The following SLC37A2 variants were observed in gnomAD, a reference collection of about 807,000 sequenced individuals.
The protein encoded by SLC37A2 is glucose-6-phosphate exchanger SLC37A2.
Under a neutral mutation model 70.7 loss-of-function variants are expected in SLC37A2, and 59 were observed. The ratio of observed to expected loss-of-function variants is 0.83; its 90% CI spans 0.68 to 1.04. SLC37A2 has a LOEUF of 1.04. Among genes scored for constraint, SLC37A2 ranks in the 50% least tolerant of loss-of-function variants. SLC37A2 has a pLI of 0.00. For synonymous variants in SLC37A2, 257 were observed against 262.1 expected, an observed-to-expected ratio of 0.98 and a Z score of 0.19; for missense variants, 580 against 658.1, an observed-to-expected ratio of 0.88 and a Z score of 1.30.
chr11:125,079,303 G>A (rs762140093), intron 5 of SLC37A2, 56 bp downstream of exon 5: 2 of 1,609,812 alleles, frequency 1.2e-6, no homozygotes, highest in African/African-American at 2.7e-5. Context: ...AAGGACCTGG[G>A]AGACCGCAGC....
At position 125,083,952 on chromosome 11, in the gene SLC37A2, T is replaced by G; in HGVS notation, c.1039+75T>G. ...GTGGGGTGCAGGAAGAAGGGACAGG[T>G]CCGATGGGCTATGACCTGGGTAGGT... On this transcript the variant is annotated intron_variant, in intron 11 of 17. Transcript: ENST00000403796. The surrounding 1 kb of genome is among the most constrained non-coding windows in gnomAD (Gnocchi z 4.6). The G allele has an allele frequency of 7.0e-7, 1 of 1,432,408 alleles. No individual in the cohort carries two copies. Among genetic ancestry groups the G allele is most frequent in the Non-Finnish European group, 9.8e-7 (1 of 1,018,138 alleles). The allele number at this position is 1,432,408 out of a possible 1,614,324, so 88.7% of individuals were successfully genotyped here. A position where few individuals can be genotyped will look rare whatever the true frequency, so the allele number is the denominator to read the frequency against.
chr11:125,079,943 A>G (rs953835501), intron 6 of SLC37A2, among the ~76,000 whole-genome samples, 183 bp downstream of exon 6: 1 of 152,240 alleles, frequency 6.6e-6, no homozygotes, highest in Non-Finnish European at 1.5e-5. Flanking sequence ...GCTTTAACCC[A>G]TAGAGCAGGC....
At position 125,078,858 on chromosome 11, in the gene SLC37A2, C is replaced by T. The variant is rs185755469; in HGVS notation, c.315-254C>T. ...CAATGGTGAAAGTGTTGCAAAAGAC[C>T]GCACCGAGAGGAAAACGCACGACAC... On this transcript the variant is annotated intron_variant, in intron 4 of 17. Coordinates refer to ENST00000403796, the MANE Select transcript of SLC37A2 (RefSeq NM_001145290.2). 7.9e-5 allele frequency among the ~76,000 whole-genome samples: 12 copies of T among 151,846 alleles called. No homozygotes were observed. The East Asian group carries it at 1.9e-3, about 25-fold the overall frequency.
At chr11:125,086,620 CA>C (rs1339583471) in intron 17 of SLC37A2, 1 of 321,980 alleles carries the variant, frequency 3.1e-6, no homozygotes, top group Non-Finnish European at 6.0e-6. Context: ...GTATGCAGAA[CA>C]AAAGCAACTA....
intron 9 of SLC37A2, 114 bp from the exon 10 acceptor site, chr11:125,082,130 C>T (rs112934278): frequency 0.018 from 19,806 of 1,110,378 alleles, 237 homozygotes; most frequent in Middle Eastern, 0.057. Flanking sequence ...TTGGAGGCTG[C>T]CTTGTGTGGC....
intron 12 of SLC37A2, among the ~76,000 whole-genome samples, 185 bp from the exon 13 acceptor site, chr11:125,084,640 G>C (rs866197489): frequency 4.6e-5 from 7 of 152,240 alleles, no homozygotes; most frequent in Admixed American, 3.3e-4. Context: ...GGAGATGATA[G>C]AGTACCACGT....
intron 1 of SLC37A2, among the ~76,000 whole-genome samples, chr11:125,069,346 G>A (rs566812160): frequency 3.5e-4 from 54 of 152,336 alleles, no homozygotes; most frequent in African/African-American, 1.1e-3. Context: ...CCTAATGATA[G>A]TGTTGGGTGG....
rs1209954099 is a variant in SLC37A2 at position 125,083,937 on chromosome 11, G to A, written c.1039+60G>A. On this transcript the variant is annotated intron_variant, in intron 11 of 17. Coordinates refer to ENST00000403796, the MANE Select transcript of SLC37A2 (RefSeq NM_001145290.2). The surrounding 1 kb of genome is among the most constrained non-coding windows in gnomAD (Gnocchi z 4.6). The stretch of plus-strand genomic sequence containing the variant: ...TTCCCCTCTTTTCTTGTGGGGTGCA[G>A]GAAGAAGGGACAGGTCCGATGGGCT... 4 of 1,541,716 alleles carry A rather than the reference G, an allele frequency of 2.6e-6. No individual in the cohort carries two copies. The highest frequency in any genetic ancestry group is 4.5e-5 in the East Asian group (2 of 44,542).
intron 12 of SLC37A2, 144 bp from the exon 13 acceptor site, chr11:125,084,681 G>C (rs923087788): frequency 2.4e-6 from 2 of 841,956 alleles, no homozygotes; most frequent in African/African-American, 3.4e-5. Flanking sequence ...GACATTTAAA[G>C]ACCAGAGAAA....
At chr11:125,072,034 G>T (rs1329565920) in intron 1 of SLC37A2, among the ~76,000 whole-genome samples, 11 of 151,938 alleles carry the variant, frequency 7.2e-5, no homozygotes, top group Non-Finnish European at 1.6e-4. Context: ...TGGGACTGGG[G>T]AGTGACTAGG....
At chr11:125,076,646 G>A in intron 1 of SLC37A2, 111 bp from the exon 2 acceptor site, 1 of 954,396 alleles carries the variant, frequency 1.0e-6, no homozygotes, top group African/African-American at 1.6e-5. Flanking sequence ...GAAAGAGTTG[G>A]TGGTCCTCAG....
chr11:125,073,489 C>T lies in SLC37A2; in HGVS notation c.60-3268C>T, dbSNP rs533683774. Among the ~76,000 whole-genome samples the T allele has an allele frequency of 5.6e-4, 85 of 152,180 alleles. 1 individual carries two copies. The highest frequency in any genetic ancestry group is 1.0e-3 in the Non-Finnish European group (69 of 68,032). On this transcript the variant is annotated intron_variant, in intron 1 of 17. Coordinates refer to ENST00000403796, the MANE Select transcript of SLC37A2 (RefSeq NM_001145290.2). ...GCTCCCCTAACAGAGCAGTGTGGGC[C>T]GCCTCCACCCCTCCAGTCCTTCTTC...
Position 125,080,660 on chromosome 11 carries a change from A to C in SLC37A2, c.574A>C (p.Asn192His), listed in dbSNP as rs1949136120. 1 of 1,574,508 alleles carries C rather than the reference A, an allele frequency of 6.4e-7. No individual in the cohort carries two copies. Among genetic ancestry groups the C allele is most frequent in the African/African-American group, 1.4e-5 (1 of 72,976 alleles). The part of the protein sequence containing the change: ...GIWNSHTSVG[N>H]ILGSLIAGIW... ...CTGGAATTCCCACACATCTGTGGGC[A>C]ACATCCTGGGCTCCCTGATCGCCGG... is the stretch of plus-strand genomic sequence containing the variant. Residue 192 changes from asparagine (N) to histidine (H), a missense_variant, in exon 7 of 18, where the codon AAC becomes CAC. Asn to His is a moderately conservative substitution (Grantham distance 68). Coordinates refer to ENST00000403796, the MANE Select transcript of SLC37A2 (RefSeq NM_001145290.2). This position sits in a 1 kb window ranked among gnomAD's most constrained non-coding sequence, Gnocchi z 4.3.
At chr11:125,074,877 A>G (rs1949066961) in intron 1 of SLC37A2, among the ~76,000 whole-genome samples, 1 of 152,242 alleles carries the variant, frequency 6.6e-6, no homozygotes, top group Non-Finnish European at 1.5e-5. Context: ...CACCATGGTC[A>G]GTGGCCAAAC....
intron 1 of SLC37A2, among the ~76,000 whole-genome samples, chr11:125,064,611 G>C (rs1275782989): frequency 6.6e-6 from 1 of 152,022 alleles, no homozygotes; most frequent in African/African-American, 2.4e-5. Flanking sequence ...TTCTTCACTC[G>C]TTTAGATTAT....
intron 16 of SLC37A2, 67 bp from the exon 17 acceptor site, chr11:125,085,887 G>A: frequency 6.8e-7 from 1 of 1,463,598 alleles, no homozygotes; most frequent in Non-Finnish European, 9.6e-7. Flanking sequence ...GGGTCACCCT[G>A]GTGCTGGGCA....
intron 1 of SLC37A2, among the ~76,000 whole-genome samples, chr11:125,067,390 T>C (rs150890377): frequency 4.9e-4 from 74 of 152,316 alleles, no homozygotes; most frequent in Non-Finnish European, 7.3e-4. Context: ...AATAGAAACA[T>C]GTCATGTACA....
chr11:125,084,085 A>G, intron 11 of SLC37A2, 149 bp from the exon 12 acceptor site: 1 of 899,280 alleles, frequency 1.1e-6, no homozygotes, highest in Non-Finnish European at 1.8e-6. Context: ...AGTGATGGGC[A>G]CTACAGGAAG....
At position 125,080,523 on chromosome 11, in the gene SLC37A2, C is replaced by G; in HGVS notation, c.528-91C>G. On this transcript the variant is annotated intron_variant, in intron 6 of 17. Transcript: ENST00000403796. This position sits in a 1 kb window ranked among gnomAD's most constrained non-coding sequence, Gnocchi z 4.3. ...TGCCTCGGGGAAGCTGTAGTCAGCCCAGCTTTAGAGCTTGGCTGGGGCAGT... is the reference window on the plus strand; with the variant it reads ...TGCCTCGGGGAAGCTGTAGTCAGCCGAGCTTTAGAGCTTGGCTGGGGCAGT... The G allele has an allele frequency of 7.9e-7, 1 of 1,260,930 alleles. No homozygotes were observed. 78.1% of individuals were successfully genotyped at this position (1,260,930 alleles called of 1,614,324 possible).
Sources: allele counts gnomAD v4.1 joint callset (sites outside exome capture counted in the v4.1 genomes callset), GRCh38; gene constraint gnomAD v4.1.1; non-coding constraint Gnocchi (gnomAD v3.1); transcripts MANE v1.5; gene names NCBI Gene and HGNC (gene_info 2026-07-23, HGNC 2026-07-21).